Variants in ELAPOR2 observed in about 807,000 individuals in gnomAD.
The protein encoded by ELAPOR2 is endosome/lysosome-associated apoptosis and autophagy regulator family member 2.
Under a neutral mutation model 120.7 loss-of-function variants are expected in ELAPOR2, and 89 were observed. That is an observed-to-expected ratio of 0.74 (90% confidence interval 0.62 to 0.88). The LOEUF is 0.88. ELAPOR2 is among the 40% of genes least tolerant of loss of function. The pLI, the probability that ELAPOR2 is intolerant of heterozygous loss-of-function variation, is 0.00. For synonymous variants in ELAPOR2, 444 were observed against 444.9 expected (o/e 1.00, Z 0.03); for missense variants, 1,134 against 1,251.6 (o/e 0.91, Z 1.42).
At chr7:87,010,332 G>A (rs561315398) in intron 1 of ELAPOR2, among the ~76,000 whole-genome samples, 47 of 152,174 alleles carry the variant, frequency 3.1e-4, no homozygotes, top group Non-Finnish European at 5.6e-4. Flanking sequence ...AATCTCCAAC[G>A]TAGGAAGTGA....
chr7:86,980,104 T>G (rs1227194840), intron 1 of ELAPOR2, among the ~76,000 whole-genome samples: 1 of 152,216 alleles, frequency 6.6e-6, no homozygotes, highest in Non-Finnish European at 1.5e-5. Flanking sequence ...GTGGATACAC[T>G]TATACTATTG....
intron 1 of ELAPOR2, among the ~76,000 whole-genome samples, chr7:87,030,721 G>A (rs1049011471): frequency 6.6e-6 from 1 of 152,148 alleles, no homozygotes. Flanking sequence ...TACACCCAAA[G>A]AAGGTACATG....
chr7:86,962,798 T>G (rs1260954836), intron 2 of ELAPOR2, among the ~76,000 whole-genome samples: 8 of 152,122 alleles, frequency 5.3e-5, no homozygotes, highest in Non-Finnish European at 4.4e-5. Context: ...TGAGAAATGG[T>G]AGTTATTATT....
intron 1 of ELAPOR2, among the ~76,000 whole-genome samples, chr7:87,019,076 C>T (rs1793957264): frequency 6.6e-6 from 1 of 152,060 alleles, no homozygotes; most frequent in Non-Finnish European, 1.5e-5. Flanking sequence ...ACCAAAATAC[C>T]ATAGATAAAA....
At chr7:87,024,200 T>C (rs1027244761) in intron 1 of ELAPOR2, among the ~76,000 whole-genome samples, 1 of 152,132 alleles carries the variant, frequency 6.6e-6, no homozygotes, top group Non-Finnish European at 1.5e-5. Context: ...GGCTGTGAGT[T>C]TGTCGTAGAT....
At chr7:86,951,728 C>T (rs1446950029) in intron 2 of ELAPOR2, among the ~76,000 whole-genome samples, 1 of 152,170 alleles carries the variant, frequency 6.6e-6, no homozygotes, top group Non-Finnish European at 1.5e-5. Context: ...TTCCTGGGAA[C>T]CTTTGGTCAC....
At chr7:86,903,526 T>G (rs1788818194) in intron 18 of ELAPOR2, among the ~76,000 whole-genome samples, 1 of 152,220 alleles carries the variant, frequency 6.6e-6, no homozygotes, top group Non-Finnish European at 1.5e-5. Flanking sequence ...GGATACATAT[T>G]TTGGTTTTAA....
intron 12 of ELAPOR2, 119 bp downstream of exon 12, chr7:86,918,323 C>CA (rs370415220): frequency 0.099 from 17,014 of 171,552 alleles, 449 homozygotes; most frequent in Admixed American, 0.12. Flanking sequence ...CTAAGAATAG[C>CA]AAAAAAAAAA....
At chr7:87,015,652 G>A (rs895444065) in intron 1 of ELAPOR2, among the ~76,000 whole-genome samples, 1 of 151,968 alleles carries the variant, frequency 6.6e-6, no homozygotes, top group Admixed American at 6.6e-5. Context: ...CTTGGGCATG[G>A]TGGCGGGCAC....
intron 1 of ELAPOR2, among the ~76,000 whole-genome samples, chr7:87,053,778 T>C (rs1293232475): frequency 6.6e-6 from 1 of 152,192 alleles, no homozygotes; most frequent in Non-Finnish European, 1.5e-5. Context: ...GCTTCCTCTG[T>C]GAGAGATGTT....
At chr7:87,024,427 G>A (rs1562972858) in intron 1 of ELAPOR2, among the ~76,000 whole-genome samples, 1 of 152,272 alleles carries the variant, frequency 6.6e-6, no homozygotes, top group East Asian at 1.9e-4. Context: ...CTTGATCATG[G>A]TGGATAAGCT....
intron 18 of ELAPOR2, among the ~76,000 whole-genome samples, chr7:86,899,195 G>A (rs1319400526): frequency 6.6e-6 from 1 of 152,036 alleles, no homozygotes; most frequent in Non-Finnish European, 1.5e-5. Context: ...TTTCATTCTG[G>A]GACAGGTAAA....
rs1489666035 is a variant in ELAPOR2 at position 86,907,787 on chromosome 7, T to C, written c.2457-16A>G. 2 of 1,459,946 alleles carry C rather than the reference T, an allele frequency of 1.4e-6. No homozygotes were observed. Among genetic ancestry groups the C allele is most frequent in the African/African-American group, 3.0e-5 (2 of 67,658 alleles). The allele number at this position is 1,459,946 out of a possible 1,614,324, so 90.4% of individuals were successfully genotyped here. A position where few individuals can be genotyped will look rare whatever the true frequency, so the allele number is the denominator to read the frequency against. On this transcript the variant is annotated splice_polypyrimidine_tract_variant and intron_variant, in intron 17 of 21. Coordinates refer to ENST00000450689, the MANE Select transcript of ELAPOR2 (RefSeq NM_001142749.3). Reference sequence around the variant, plus strand: ...TGTAGAAGACCTATTGTAAGCCAAATAACATTTTTAAAAAACAGATATAAT... The same window carrying C: ...TGTAGAAGACCTATTGTAAGCCAAACAACATTTTTAAAAAACAGATATAAT...
chr7:86,903,538 A>G (rs1205203390), intron 18 of ELAPOR2, among the ~76,000 whole-genome samples: 2 of 152,244 alleles, frequency 1.3e-5, no homozygotes, highest in Non-Finnish European at 2.9e-5. Flanking sequence ...TGGTTTTAAC[A>G]GTCCTTCCCC....
chr7:87,023,256 A>G (rs916597860), intron 1 of ELAPOR2, among the ~76,000 whole-genome samples: 5 of 152,238 alleles, frequency 3.3e-5, no homozygotes, highest in Middle Eastern at 3.4e-3. Context: ...GTGTAAGGAA[A>G]GGATCCAGTT....
intron 1 of ELAPOR2, among the ~76,000 whole-genome samples, chr7:86,979,382 G>A (rs1266740552): frequency 2.6e-5 from 4 of 152,180 alleles, no homozygotes; most frequent in South Asian, 2.1e-4. Flanking sequence ...TGACAAAATC[G>A]TAAGTGTAAC....
At chr7:86,937,089 T>C in intron 8 of ELAPOR2, among the ~76,000 whole-genome samples, 1 of 152,142 alleles carries the variant, frequency 6.6e-6, no homozygotes, top group East Asian at 1.9e-4. Context: ...TTTGGCATTA[T>C]GATAGGACTA....
In ELAPOR2 at chr7:86,993,221, C is replaced by T. The variant is rs537944583; in HGVS notation, c.190-28197G>A. Among the ~76,000 whole-genome samples, 125 of 107,286 alleles carry T rather than the reference C, an allele frequency of 1.2e-3. 4 individuals are homozygous for T. The South Asian group carries it at 0.03, about 25-fold the overall frequency. The allele number at this position is 107,286 out of a possible 152,430, so 70.4% of individuals were successfully genotyped here. ...ACCGTACTCCAGCCTGATGACAGAG[C>T]GAGACTCCATCTCAAAAAAAAAAAA... On this transcript the variant is annotated intron_variant, in intron 1 of 21. Transcript: ENST00000450689.
chr7:86,891,264 T>G (rs1788147733), intron 21 of ELAPOR2: 1 of 152,198 alleles, frequency 6.6e-6, no homozygotes, highest in African/African-American at 2.4e-5. Flanking sequence ...AATTCCAATA[T>G]CACAAAAATG....
Sources: allele counts gnomAD v4.1 joint callset (sites outside exome capture counted in the v4.1 genomes callset), GRCh38; gene constraint gnomAD v4.1.1; transcripts MANE v1.5; gene names NCBI Gene and HGNC (gene_info 2026-07-23, HGNC 2026-07-21).